The following PTPRT variants were observed in gnomAD, a reference collection of about 807,000 sequenced individuals.
The protein encoded by PTPRT is receptor-type tyrosine-protein phosphatase T.
PTPRT carries 56 observed loss-of-function variants against 176.8 expected under a neutral mutation model. The ratio of observed to expected loss-of-function variants is 0.32; its 90% CI spans 0.26 to 0.40. The LOEUF (loss-of-function observed/expected upper bound fraction) is 0.40, where lower values mean the gene tolerates loss of function less well. Ranked by LOEUF, PTPRT falls within the 10% of genes least tolerant of loss-of-function variation. The pLI is 1.00. For synonymous variants in PTPRT, 783 were observed against 739.0 expected, an observed-to-expected ratio of 1.06 and a Z score of -0.96; for missense variants, 1,540 against 1,908.2, an observed-to-expected ratio of 0.81 and a Z score of 3.60.
chr20:43,161,358 G>C (rs1332829394), intron 1 of PTPRT, among the ~76,000 whole-genome samples: 1 of 152,032 alleles, frequency 6.6e-6, no homozygotes, highest in African/African-American at 2.4e-5. Flanking sequence ...GAAGGAGAAA[G>C]AGCTCTATGT....
intron 7 of PTPRT, among the ~76,000 whole-genome samples, chr20:42,502,921 G>A (rs1345508537): frequency 6.6e-6 from 1 of 152,042 alleles, no homozygotes; most frequent in East Asian, 1.9e-4. Flanking sequence ...TTCTCATGAG[G>A]AGTATTTAAA....
At chr20:42,320,083 C>T (rs1208274627) in intron 11 of PTPRT, among the ~76,000 whole-genome samples, 1 of 152,122 alleles carries the variant, frequency 6.6e-6, no homozygotes, top group Non-Finnish European at 1.5e-5. Context: ...TTTTTCATTA[C>T]TTATGCCAAG....
chr20:42,381,980 C>G (rs950639307), intron 9 of PTPRT, among the ~76,000 whole-genome samples: 5 of 152,038 alleles, frequency 3.3e-5, no homozygotes, highest in African/African-American at 1.2e-4. Flanking sequence ...GCAATTGTGA[C>G]TTTTTTGGGT....
chr20:42,655,238 C>A lies in PTPRT; in HGVS notation c.1153+22628G>T, dbSNP rs1353499041. Among the ~76,000 whole-genome samples the A allele has an allele frequency of 4.6e-5, 7 of 152,292 alleles. No homozygotes were observed. The East Asian group carries it at 1.2e-3, about 25-fold the overall frequency. On this transcript the variant is annotated intron_variant, in intron 7 of 30. Coordinates refer to ENST00000373187, the MANE Select transcript of PTPRT (RefSeq NM_007050.6). ...GGTGCAGTGGCTCACGCCTGTAATCCCAGCACATTGGGAGGCCAAGGCAGG... is the reference window on the plus strand; with the variant it reads ...GGTGCAGTGGCTCACGCCTGTAATCACAGCACATTGGGAGGCCAAGGCAGG...
In PTPRT at chr20:42,137,262, C is replaced by G. The variant is rs541411903; in HGVS notation, c.2770+4653G>C. Among the ~76,000 whole-genome samples, 6 of 152,230 alleles carry G rather than the reference C, an allele frequency of 3.9e-5. No homozygotes were observed. The East Asian group carries it at 9.7e-4, about 25-fold the overall frequency. On this transcript the variant is annotated intron_variant, in intron 18 of 30. Coordinates refer to ENST00000373187, the MANE Select transcript of PTPRT (RefSeq NM_007050.6). The stretch of plus-strand genomic sequence containing the variant: ...GAGTCAGGAGCATTGAATAAGGCAC[C>G]CACTCTGTCACCCCCAGCTCTGTCT...
intron 27 of PTPRT, among the ~76,000 whole-genome samples, chr20:42,086,723 T>A (rs1463120379): frequency 3.2e-5 from 1 of 30,824 alleles, no homozygotes; most frequent in Non-Finnish European, 5.4e-5. Flanking sequence ...CGAGACTCCA[T>A]CTCAAAAAAA....
At chr20:43,051,625 TAAAAAAAAAA>T (rs35885799) in intron 1 of PTPRT, among the ~76,000 whole-genome samples, 6 of 91,982 alleles carry the variant, frequency 6.5e-5, no homozygotes, top group Admixed American at 2.5e-4. Context: ...TCTGTAACTG[TAAAAAAAAAA>T]AAAAAAAAAA....
rs563665681 is a variant in PTPRT, at chr20:43,184,795, G to A, written c.88+4851C>T. 7.8e-4 allele frequency among the ~76,000 whole-genome samples: 118 copies of A among 151,900 alleles called. 1 individual carries two copies. The highest frequency in any genetic ancestry group is 6.8e-3 in the Middle Eastern group (2 of 292). ...ATTTTTCATGGTTGACTTCTGTTAC[G>A]TCCCTTTGGAATGTATATCTAGAAT... is the stretch of plus-strand genomic sequence containing the variant. On this transcript the variant is annotated intron_variant, in intron 1 of 30. Transcript: ENST00000373187.
intron 3 of PTPRT, among the ~76,000 whole-genome samples, chr20:42,784,246 G>A (rs1043453793): frequency 6.6e-6 from 1 of 152,116 alleles, no homozygotes; most frequent in Non-Finnish European, 1.5e-5. Flanking sequence ...AGGAGGGTGT[G>A]GATATGTCAG....
intron 17 of PTPRT, among the ~76,000 whole-genome samples, chr20:42,158,883 AT>A (rs1471343844): frequency 6.6e-6 from 1 of 152,244 alleles, no homozygotes; most frequent in Non-Finnish European, 1.5e-5. Flanking sequence ...TTTTCTCATT[AT>A]AAAAGCTGTT....
intron 14 of PTPRT, among the ~76,000 whole-genome samples, chr20:42,241,173 T>C (rs1414939427): frequency 6.6e-6 from 1 of 152,164 alleles, no homozygotes; most frequent in Non-Finnish European, 1.5e-5. Flanking sequence ...TCTGTCATGA[T>C]AAATTGTATG....
intron 15 of PTPRT, among the ~76,000 whole-genome samples, chr20:42,227,440 T>C (rs1264614764): frequency 6.6e-6 from 1 of 151,990 alleles, no homozygotes; most frequent in African/African-American, 2.4e-5. Flanking sequence ...TCCCCTGAAA[T>C]GCACTCTTCA....
chr20:42,101,865 C>T (rs1206501295), intron 26 of PTPRT, among the ~76,000 whole-genome samples: 1 of 152,194 alleles, frequency 6.6e-6, no homozygotes, highest in Non-Finnish European at 1.5e-5. Flanking sequence ...GTAGACTTGC[C>T]ATGGTGACAC....
intron 13 of PTPRT, among the ~76,000 whole-genome samples, chr20:42,274,771 G>T (rs1350779105): frequency 6.6e-6 from 1 of 152,138 alleles, no homozygotes; most frequent in African/African-American, 2.4e-5. Context: ...ATATGTTGTG[G>T]AAGTGAAGAA....
chr20:42,289,353 A>C (rs1331230315), intron 12 of PTPRT, among the ~76,000 whole-genome samples: 1 of 152,098 alleles, frequency 6.6e-6, no homozygotes, highest in Admixed American at 6.6e-5. Context: ...AACCTACAGA[A>C]TAGGAGAAAA....
intron 1 of PTPRT, among the ~76,000 whole-genome samples, chr20:43,010,798 G>T (rs1451596474): frequency 6.6e-6 from 1 of 151,718 alleles, no homozygotes; most frequent in Non-Finnish European, 1.5e-5. Flanking sequence ...TACTAAGCAG[G>T]TTCTTCACGT....
At chr20:43,102,757 G>A (rs984354383) in intron 1 of PTPRT, among the ~76,000 whole-genome samples, 8 of 152,184 alleles carry the variant, frequency 5.3e-5, no homozygotes, top group African/African-American at 1.9e-4. Context: ...TATGGCAGGA[G>A]CCCCTGGTTA....
At chr20:42,526,956 C>T (rs28499146) in intron 7 of PTPRT, among the ~76,000 whole-genome samples, 53 of 78,720 alleles carry the variant, frequency 6.7e-4, no homozygotes, top group African/African-American at 2.2e-3. Flanking sequence ...GTTCTTTTTT[C>T]TTTTTTTTTT....
intron 9 of PTPRT, among the ~76,000 whole-genome samples, chr20:42,446,393 C>A (rs1176499533): frequency 6.6e-6 from 1 of 152,016 alleles, no homozygotes. Context: ...TGTTGAAGTA[C>A]CCTAGGTTAG....
Sources: allele counts gnomAD v4.1 joint callset (sites outside exome capture counted in the v4.1 genomes callset), GRCh38; gene constraint gnomAD v4.1.1; transcripts MANE v1.5; gene names NCBI Gene and HGNC (gene_info 2026-07-23, HGNC 2026-07-21).